LAMTOR5: variants seen among roughly 807,000 people sequenced by gnomAD.
The protein encoded by LAMTOR5 is ragulator complex protein LAMTOR5.
Under a neutral mutation model 12.1 loss-of-function variants are expected in LAMTOR5, and 8 were observed. That is an observed-to-expected ratio of 0.66 (90% CI 0.39 to 1.19). The LOEUF is 1.19. Ranked by LOEUF, LAMTOR5 falls within the 50% of genes most tolerant of loss-of-function variation. The pLI, the probability that LAMTOR5 is intolerant of heterozygous loss-of-function variation, is 0.01. For synonymous variants in LAMTOR5, 37 were observed against 41.9 expected (o/e 0.88, Z 0.45); for missense variants, 110 against 112.8 (o/e 0.97, Z 0.11).
chr1:110,404,143 TGTCTGTATTA>T, intron 2 of LAMTOR5, 107 bp from the exon 3 acceptor site: 1 of 1,492,992 alleles, frequency 6.7e-7, no homozygotes, highest in Non-Finnish European at 8.9e-7. Context: ...TTTTTATTAA[TGTCTGTATTA>T]GTCTGTATAT....
intron 1 of LAMTOR5, chr1:110,407,319 A>G (rs1018988913): frequency 5.1e-6 from 3 of 590,024 alleles, no homozygotes; most frequent in African/African-American, 3.7e-5. Context: ...AGACGATTTC[A>G]ACAACGAGAT....
In LAMTOR5 at chr1:110,407,579, T is replaced by G. The variant is rs1255356167; in HGVS notation, c.35+7A>C. On this transcript the variant is annotated splice_region_variant and intron_variant, in intron 1 of 3. Coordinates refer to ENST00000602318, the MANE Select transcript of LAMTOR5 (RefSeq NM_001382293.1). The stretch of plus-strand genomic sequence containing the variant: ...CAGGACAGGCCGAAGAGGCGCGCAC[T>G]ACTCACGTGTCTTCCAAGTGCTGCT... 6.2e-7 allele frequency: 1 copy of G among 1,613,388 alleles called. No individual in the cohort carries two copies. Among genetic ancestry groups the G allele is most frequent in the East Asian group, 2.2e-5 (1 of 44,850 alleles).
At chr1:110,406,551 G>T in intron 1 of LAMTOR5, 172 bp from the exon 2 acceptor site, 1 of 458,812 alleles carries the variant, frequency 2.2e-6, no homozygotes, top group Non-Finnish European at 3.8e-6. Flanking sequence ...AGGGCCGGGC[G>T]CGGTTGCTCA....
chr1:110,406,429 A>G, intron 1 of LAMTOR5, 50 bp from the exon 2 acceptor site: 1 of 1,336,120 alleles, frequency 7.5e-7, no homozygotes, highest in Non-Finnish European at 1.1e-6. Flanking sequence ...GAGAAAAAGG[A>G]TTTAAATAAG....
At chr1:110,405,486 C>CAT (rs1002139755) in intron 2 of LAMTOR5, among the ~76,000 whole-genome samples, 4 of 151,882 alleles carry the variant, frequency 2.6e-5, no homozygotes, top group South Asian at 2.1e-4. Flanking sequence ...ATTTTAAAAA[C>CAT]ATATATATAT....
chr1:110,404,200 T>C (rs940081517), intron 2 of LAMTOR5, among the ~76,000 whole-genome samples, 164 bp from the exon 3 acceptor site: 9 of 152,350 alleles, frequency 5.9e-5, no homozygotes, highest in African/African-American at 1.9e-4. Flanking sequence ...AAAGTACCTA[T>C]AAATTCTAGG....
intron 3 of LAMTOR5, 114 bp from the exon 4 acceptor site, chr1:110,401,697 C>T (rs530479858): frequency 2.0e-4 from 224 of 1,105,630 alleles, no homozygotes; most frequent in Non-Finnish European, 2.6e-4. Context: ...ATTGTTTCTA[C>T]GTATAAAAGC....
At chr1:110,407,182 A>G in intron 1 of LAMTOR5, 1 of 595,258 alleles carries the variant, frequency 1.7e-6, no homozygotes, top group Non-Finnish European at 3.0e-6. Context: ...GCACCAAGTA[A>G]CTGATAGGTT....
chr1:110,402,273 C>T (rs184968793), intron 3 of LAMTOR5, among the ~76,000 whole-genome samples: 7 of 152,108 alleles, frequency 4.6e-5, no homozygotes, highest in South Asian at 2.1e-4. Context: ...TTTTTTGAGA[C>T]GGAGTCTTGC....
upstream of LAMTOR5, chr1:110,407,817 C>CT (rs1163496285): frequency 1.2e-6 from 2 of 1,613,498 alleles, no homozygotes; most frequent in African/African-American, 2.7e-5. Context: ...CTGACGAAGG[C>CT]TTGGGCTCCC....
upstream of LAMTOR5, chr1:110,407,778 A>C (rs553647864): frequency 6.2e-7 from 1 of 1,614,124 alleles, no homozygotes; most frequent in East Asian, 2.2e-5. Flanking sequence ...TTTACTGGAA[A>C]ACATCACTGC....
At chr1:110,401,979 A>C (rs1663239568) in intron 3 of LAMTOR5, among the ~76,000 whole-genome samples, 1 of 152,228 alleles carries the variant, frequency 6.6e-6, no homozygotes, top group African/African-American at 2.4e-5. Context: ...TGATACAGTC[A>C]TGTGCTGCAT....
chr1:110,401,642 T>A (rs968696144), intron 3 of LAMTOR5, 59 bp from the exon 4 acceptor site: 1 of 1,529,280 alleles, frequency 6.5e-7, no homozygotes, highest in Non-Finnish European at 9.0e-7. Flanking sequence ...CACTGCAAGA[T>A]TAAAGATGTT....
At chr1:110,404,598 A>C (rs1663291184) in intron 2 of LAMTOR5, among the ~76,000 whole-genome samples, 1 of 152,198 alleles carries the variant, frequency 6.6e-6, no homozygotes, top group African/African-American at 2.4e-5. Flanking sequence ...CTGCATTAGG[A>C]GCAACAAGTC....
At chr1:110,401,635 T>C in intron 3 of LAMTOR5, 52 bp from the exon 4 acceptor site, 1 of 1,549,558 alleles carries the variant, frequency 6.5e-7, no homozygotes, top group Non-Finnish European at 8.9e-7. Context: ...GGGACTTCAC[T>C]GCAAGATTAA....
At chr1:110,401,902 C>T (rs1410810004) in intron 3 of LAMTOR5, among the ~76,000 whole-genome samples, 1 of 152,150 alleles carries the variant, frequency 6.6e-6, no homozygotes, top group Non-Finnish European at 1.5e-5. Flanking sequence ...AATCCTGCTT[C>T]AGCCACCTCA....
Position 110,401,574 on chromosome 1 carries a change from CATA to C in LAMTOR5, c.222_224del (p.Ile74del). On this transcript the variant is annotated inframe_deletion, in exon 4 of 4. Coordinates refer to ENST00000602318, the MANE Select transcript of LAMTOR5 (RefSeq NM_001382293.1). Reference sequence around the variant, plus strand: ...CCGTGATGCCATCGTGTTTCTGGATCATAATGTTCCTGAAATGCAGGAAGAAAA... The same window carrying C: ...CCGTGATGCCATCGTGTTTCTGGATCATGTTCCTGAAATGCAGGAAGAAAA... 6.2e-7 allele frequency: 1 copy of C among 1,603,742 alleles called. No individual in the cohort carries two copies. Among genetic ancestry groups the C allele is most frequent in the Non-Finnish European group, 8.5e-7 (1 of 1,171,550 alleles).
chr1:110,407,208 GTGTT>G, intron 1 of LAMTOR5: 1 of 576,142 alleles, frequency 1.7e-6, no homozygotes. Flanking sequence ...CAGGAGATAC[GTGTT>G]TGTTTACACT....
At chr1:110,403,691 T>G in intron 3 of LAMTOR5, 1 of 484,050 alleles carries the variant, frequency 2.1e-6, no homozygotes. Context: ...TTTTTGTTGG[T>G]AAACTGATAG....
Sources: gnomAD v4.1 joint callset for allele counts (sites outside exome capture counted in the v4.1 genomes callset) on GRCh38, gnomAD v4.1.1 for gene constraint, MANE v1.5 for transcripts, NCBI Gene and HGNC (gene_info 2026-07-23, HGNC 2026-07-21) for gene names.